EVI5: variants seen among roughly 807,000 people sequenced by gnomAD.
EVI5 encodes ecotropic viral integration site 5.
In EVI5, 73 loss-of-function variants were observed where a neutral mutation model predicts 112.0. The ratio of observed to expected loss-of-function variants is 0.65; its 90% confidence interval spans 0.54 to 0.79. EVI5 has a LOEUF of 0.79. Among genes scored for constraint, EVI5 ranks in the 30% least tolerant of loss-of-function variants. EVI5 has a pLI of 0.00. For synonymous variants in EVI5, 305 were observed against 319.9 expected (o/e 0.95, Z 0.50); for missense variants, 900 against 968.8 (o/e 0.93, Z 0.94).
chr1:92,679,105 G>A (rs1267650876), intron 9 of EVI5, among the ~76,000 whole-genome samples: 1 of 152,176 alleles, frequency 6.6e-6, no homozygotes, highest in African/African-American at 2.4e-5. Context: ...ATCAGTGGCA[G>A]CATTAGATTC....
At chr1:92,627,149 T>C (rs1032140107) in intron 14 of EVI5, among the ~76,000 whole-genome samples, 4 of 152,176 alleles carry the variant, frequency 2.6e-5, no homozygotes, top group Non-Finnish European at 4.4e-5. Context: ...TGTAGTCTTC[T>C]ATCCCTCACT....
chr1:92,749,081 A>AG (rs1299031832), intron 1 of EVI5: 3 of 170,594 alleles, frequency 1.8e-5, no homozygotes, highest in African/African-American at 7.2e-5. Context: ...AAAAAAAAAA[A>AG]AAAAGAAAAA....
chr1:92,614,691 T>C (rs1652625879), intron 16 of EVI5, among the ~76,000 whole-genome samples: 1 of 151,858 alleles, frequency 6.6e-6, no homozygotes, highest in Admixed American at 6.6e-5. Flanking sequence ...GGGACTCGGA[T>C]TGGCTCTCCT....
intron 13 of EVI5, among the ~76,000 whole-genome samples, chr1:92,658,731 C>T (rs538976401): frequency 6.6e-6 from 1 of 151,940 alleles, no homozygotes; most frequent in East Asian, 1.9e-4. Context: ...AAAAAAAAAT[C>T]CTAAAATTCA....
chr1:92,538,626 T>C (rs572594674), intron 19 of EVI5, among the ~76,000 whole-genome samples: 18 of 152,168 alleles, frequency 1.2e-4, no homozygotes, highest in Non-Finnish European at 2.4e-4. Flanking sequence ...GTTAAAAATC[T>C]GAAGGGCAAG....
At chr1:92,734,367 G>A (rs182452077) in intron 2 of EVI5, among the ~76,000 whole-genome samples, 8 of 152,306 alleles carry the variant, frequency 5.3e-5, no homozygotes, top group African/African-American at 1.7e-4. Flanking sequence ...AACACTTGCC[G>A]AAAGTAACTA....
intron 19 of EVI5, among the ~76,000 whole-genome samples, chr1:92,562,402 C>T (rs944035530): frequency 2.6e-5 from 4 of 151,976 alleles, no homozygotes; most frequent in Non-Finnish European, 4.4e-5. Context: ...TGGTGGCGGG[C>T]GCCTGTAGTC....
At chr1:92,598,556 A>C (rs1294630536) in intron 18 of EVI5, among the ~76,000 whole-genome samples, 1 of 152,222 alleles carries the variant, frequency 6.6e-6, no homozygotes, top group Non-Finnish European at 1.5e-5. Context: ...AGTACATAAT[A>C]ATTAAAATTC....
intron 19 of EVI5, among the ~76,000 whole-genome samples, chr1:92,527,831 T>C (rs1479893412): frequency 6.6e-6 from 1 of 152,246 alleles, no homozygotes; most frequent in Admixed American, 6.5e-5. Flanking sequence ...CGGTGTGGCA[T>C]AGTATTGCAT....
chr1:92,589,270 A>G (rs1184925532), intron 18 of EVI5, among the ~76,000 whole-genome samples: 1 of 152,188 alleles, frequency 6.6e-6, no homozygotes, highest in African/African-American at 2.4e-5. Context: ...CAAGGGGTGC[A>G]GGACACTGGG....
intron 13 of EVI5, among the ~76,000 whole-genome samples, chr1:92,648,837 T>C (rs1293472656): frequency 3.3e-5 from 5 of 152,244 alleles, no homozygotes; most frequent in African/African-American, 1.2e-4. Context: ...CAAACGTGTA[T>C]ACACATACTT....
chr1:92,600,709 C>T (rs1648975251), intron 18 of EVI5, among the ~76,000 whole-genome samples: 1 of 152,178 alleles, frequency 6.6e-6, no homozygotes, highest in Non-Finnish European at 1.5e-5. Context: ...GCTCCTGTGA[C>T]AATCTAATGA....
chr1:92,649,120 G>T (rs1661588198), intron 13 of EVI5, among the ~76,000 whole-genome samples: 1 of 152,180 alleles, frequency 6.6e-6, no homozygotes, highest in Non-Finnish European at 1.5e-5. Flanking sequence ...TTTCCCTCAT[G>T]AAAAATGATG....
At chr1:92,789,545 G>A (rs935654012), upstream of EVI5, among the ~76,000 whole-genome samples, 7 of 152,138 alleles carry the variant, frequency 4.6e-5, no homozygotes, top group African/African-American at 9.6e-5. Context: ...CTTGTGATCC[G>A]CCCACCTCAG....
chr1:92,727,979 G>C (rs905947753), intron 2 of EVI5, among the ~76,000 whole-genome samples: 1 of 148,700 alleles, frequency 6.7e-6, no homozygotes, highest in South Asian at 2.1e-4. Flanking sequence ...GGGTGACAGA[G>C]TGCGACCCTG....
At chr1:92,680,380 C>A (rs1437747397) in intron 9 of EVI5, among the ~76,000 whole-genome samples, 3 of 152,084 alleles carry the variant, frequency 2.0e-5, no homozygotes, top group Non-Finnish European at 4.4e-5. Flanking sequence ...TCCCACTGGA[C>A]AAATCAGGGA....
At chr1:92,626,284 C>T (rs1277206885) in intron 14 of EVI5, among the ~76,000 whole-genome samples, 1 of 152,176 alleles carries the variant, frequency 6.6e-6, no homozygotes, top group African/African-American at 2.4e-5. Context: ...CTGGACATTT[C>T]TTATAAGTGG....
chr1:92,644,280 G>C (rs778183215), intron 13 of EVI5, among the ~76,000 whole-genome samples: 2 of 152,190 alleles, frequency 1.3e-5, no homozygotes, highest in Non-Finnish European at 2.9e-5. Flanking sequence ...CTAGATGTCT[G>C]AGTCCAGTTG....
chr1:92,518,251 A>T (rs1036031083), intron 19 of EVI5, among the ~76,000 whole-genome samples: 1 of 152,144 alleles, frequency 6.6e-6, no homozygotes, highest in Non-Finnish European at 1.5e-5. Context: ...TACATACTAC[A>T]TGAGTATCTT....
Sources: allele counts gnomAD v4.1 joint callset (sites outside exome capture counted in the v4.1 genomes callset), GRCh38; gene constraint gnomAD v4.1.1; transcripts MANE v1.5; gene names NCBI Gene and HGNC (gene_info 2026-07-23, HGNC 2026-07-21).